TMEM232: variants seen among roughly 807,000 people sequenced by gnomAD.
TMEM232 encodes the protein transmembrane protein 232.
A neutral mutation model predicts 78.8 loss-of-function variants in TMEM232; 80 were observed. That is an observed-to-expected ratio of 1.01 (90% CI 0.85 to 1.22). TMEM232 has a LOEUF of 1.22. Ranked by LOEUF, TMEM232 falls within the 50% of genes most tolerant of loss-of-function variation. TMEM232 has a pLI of 0.00. For missense variants in TMEM232, 881 were observed against 742.2 expected (o/e 1.19, Z -2.17); for synonymous variants, 297 against 254.3 (o/e 1.17, Z -1.60).
intron 1 of TMEM232, among the ~76,000 whole-genome samples, chr5:110,676,887 T>C (rs937713492): frequency 6.6e-6 from 1 of 151,770 alleles, no homozygotes; most frequent in East Asian, 1.9e-4. Context: ...GCTTCCCTAG[T>C]AGCTGGGATT....
chr5:110,507,506 G>A (rs1030981169), intron 12 of TMEM232, among the ~76,000 whole-genome samples: 7 of 152,168 alleles, frequency 4.6e-5, no homozygotes, highest in African/African-American at 1.7e-4. Flanking sequence ...TGGCTAAAAT[G>A]CCTCAGAAGC....
intron 12 of TMEM232, among the ~76,000 whole-genome samples, chr5:110,473,639 G>T (rs1004641870): frequency 2.0e-5 from 3 of 150,408 alleles, no homozygotes; most frequent in Non-Finnish European, 4.4e-5. Context: ...CTCACTACTG[G>T]GTATATATTC....
downstream of TMEM232, chr5:110,417,608 TTTTC>T (rs1484122120): frequency 1.1e-4 from 16 of 140,900 alleles, no homozygotes; most frequent in East Asian, 1.3e-3. Flanking sequence ...TTTCAAACTT[TTTTC>T]TTTTTCTTTT....
At chr5:110,521,702 A>T (rs1769539306) in intron 12 of TMEM232, among the ~76,000 whole-genome samples, 1 of 152,164 alleles carries the variant, frequency 6.6e-6, no homozygotes, top group South Asian at 2.1e-4. Context: ...CATTTATTGA[A>T]GAGAATCTTC....
At chr5:110,450,381 ATC>A (rs1175847039) in intron 12 of TMEM232, among the ~76,000 whole-genome samples, 3 of 151,616 alleles carry the variant, frequency 2.0e-5, no homozygotes, top group Admixed American at 6.6e-5. Flanking sequence ...TTTTCTTTTC[ATC>A]TCTACTACCT....
In TMEM232 at chr5:110,493,407, T is replaced by C. The variant is rs535161740; in HGVS notation, c.1703+35181A>G. The stretch of plus-strand genomic sequence containing the variant: ...GAAAAAAAAAAAAAGTAAAATTGTC[T>C]TACAAATTATAAAGACTTACTATAA... On this transcript the variant is annotated intron_variant, in intron 12 of 13. Coordinates refer to ENST00000455884, the MANE Select transcript of TMEM232 (RefSeq NM_001039763.4). 7.9e-5 allele frequency among the ~76,000 whole-genome samples: 12 copies of C among 151,382 alleles called. No individual in the cohort carries two copies. The South Asian group carries it at 2.5e-3, about 31-fold the overall frequency.
upstream of TMEM232, among the ~76,000 whole-genome samples, chr5:110,731,140 T>A (rs557527433): frequency 6.6e-6 from 1 of 152,338 alleles, no homozygotes; most frequent in Non-Finnish European, 1.5e-5. Flanking sequence ...AGTCAAATTT[T>A]AAAGCTCCAA....
intron 11 of TMEM232, among the ~76,000 whole-genome samples, chr5:110,536,505 C>A (rs1457555141): frequency 1.3e-5 from 2 of 152,190 alleles, no homozygotes; most frequent in African/African-American, 4.8e-5. Context: ...GGTGAACTCA[C>A]GTTTCAGGCC....
chr5:110,540,755 TG>T (rs1437438503), intron 11 of TMEM232, among the ~76,000 whole-genome samples: 1 of 152,176 alleles, frequency 6.6e-6, no homozygotes, highest in Non-Finnish European at 1.5e-5. Flanking sequence ...GCATTAATGT[TG>T]GGACAAGGTA....
intron 12 of TMEM232, among the ~76,000 whole-genome samples, chr5:110,436,301 G>A (rs1428618476): frequency 6.6e-6 from 1 of 151,862 alleles, no homozygotes; most frequent in Non-Finnish European, 1.5e-5. Context: ...TTTTAAATCA[G>A]ATTATTGGAA....
intron 5 of TMEM232, among the ~76,000 whole-genome samples, chr5:110,628,169 T>C (rs895134230): frequency 2.6e-5 from 4 of 152,134 alleles, no homozygotes; most frequent in African/African-American, 9.7e-5. Context: ...TTTCAAGTCA[T>C]GCCCCTTAAG....
intron 12 of TMEM232, among the ~76,000 whole-genome samples, chr5:110,466,122 A>ATTGT (rs1762047074): frequency 6.6e-6 from 1 of 152,186 alleles, no homozygotes; most frequent in African/African-American, 2.4e-5. Flanking sequence ...GAGAGATTGG[A>ATTGT]TTGTTTGAGA....
At chr5:110,580,789 C>G (rs1778118165) in intron 10 of TMEM232, among the ~76,000 whole-genome samples, 1 of 151,418 alleles carries the variant, frequency 6.6e-6, no homozygotes, top group African/African-American at 2.4e-5. Flanking sequence ...CTTAATAGGT[C>G]ACAATGAACG....
intron 1 of TMEM232, among the ~76,000 whole-genome samples, chr5:110,721,158 G>A (rs72773183): frequency 0.086 from 13,012 of 152,114 alleles, 583 homozygotes; most frequent in Admixed American, 0.12. Flanking sequence ...AGGATATAAT[G>A]TAATGAATAA....
At chr5:110,572,907 A>G (rs561098000) in intron 10 of TMEM232, among the ~76,000 whole-genome samples, 14 of 152,226 alleles carry the variant, frequency 9.2e-5, no homozygotes, top group African/African-American at 3.4e-4. Context: ...GCTGAGAAGC[A>G]TGCCTGCTAT....
chr5:110,639,800 C>T (rs749453521), intron 4 of TMEM232, among the ~76,000 whole-genome samples: 3 of 152,178 alleles, frequency 2.0e-5, no homozygotes, highest in Non-Finnish European at 2.9e-5. Context: ...CAAGGAGCAC[C>T]GCAGCCTAGA....
intron 12 of TMEM232, among the ~76,000 whole-genome samples, chr5:110,490,632 T>C (rs1318748834): frequency 1.3e-5 from 2 of 152,124 alleles, no homozygotes; most frequent in Non-Finnish European, 2.9e-5. Context: ...GACATAAGCA[T>C]AGAGGCAGAT....
At chr5:110,475,064 G>A (rs775056159) in intron 12 of TMEM232, among the ~76,000 whole-genome samples, 7 of 151,912 alleles carry the variant, frequency 4.6e-5, no homozygotes, top group Non-Finnish European at 1.0e-4. Flanking sequence ...CAATCTTGAA[G>A]TAGAAGCCCA....
intron 10 of TMEM232, among the ~76,000 whole-genome samples, chr5:110,586,515 G>A (rs562261484): frequency 1.3e-5 from 2 of 151,796 alleles, no homozygotes; most frequent in Non-Finnish European, 2.9e-5. Flanking sequence ...CCCCATGAAA[G>A]TGCTACATTT....
Sources: gnomAD v4.1 joint callset for allele counts (sites outside exome capture counted in the v4.1 genomes callset) on GRCh38, gnomAD v4.1.1 for gene constraint, MANE v1.5 for transcripts, NCBI Gene and HGNC (gene_info 2026-07-23, HGNC 2026-07-21) for gene names.